Variants in SYNPO2 observed in about 807,000 individuals in gnomAD.
SYNPO2 encodes synaptopodin 2, also known as synaptopodin-2.
A neutral mutation model predicts 85.0 loss-of-function variants in SYNPO2; 56 were observed. The ratio of observed to expected loss-of-function variants is 0.66; its 90% CI spans 0.53 to 0.82. SYNPO2 has a LOEUF of 0.82. Ranked by LOEUF, SYNPO2 falls within the 40% of genes least tolerant of loss-of-function variation. The pLI, the probability that SYNPO2 is intolerant of heterozygous loss-of-function variation, is 0.00. For missense variants in SYNPO2, 1,575 were observed against 1,534.2 expected, an observed-to-expected ratio of 1.03 and a Z score of -0.44; for synonymous variants, 602 against 591.1, an observed-to-expected ratio of 1.02 and a Z score of -0.27.
intron 1 of SYNPO2, among the ~76,000 whole-genome samples, chr4:118,878,851 G>C (rs1287872523): frequency 6.6e-6 from 1 of 152,234 alleles, no homozygotes; most frequent in Non-Finnish European, 1.5e-5. Context: ...CCAGCCAGCA[G>C]AGGCACCCAC....
chr4:118,923,138 C>T (rs1231605356), intron 1 of SYNPO2, among the ~76,000 whole-genome samples: 1 of 152,008 alleles, frequency 6.6e-6, no homozygotes, highest in African/African-American at 2.4e-5. Context: ...GTCATGGAAT[C>T]AACCTAAATG....
chr4:118,957,044 CAAAAAAAAT>C lies in SYNPO2; in HGVS notation c.106-66359_106-66351del, dbSNP rs199706263. Among the ~76,000 whole-genome samples, 1,008 of 148,258 alleles carry C rather than the reference CAAAAAAAAT, an allele frequency of 6.8e-3. 7 individuals are homozygous for C. Among genetic ancestry groups the C allele is most frequent in the African/African-American group, 0.016 (632 of 40,076 alleles). On this transcript the variant is annotated intron_variant, in intron 1 of 4. Coordinates refer to ENST00000307142, the MANE Select transcript of SYNPO2 (RefSeq NM_133477.3). ...TGGGTGACACAGTGAGACTCCATCT[CAAAAAAAAT>C]AAAAAAAATAAAAAAAATAAAAAAA...
rs1732081984 is a variant in SYNPO2 at position 118,881,098 on chromosome 4, C to T, written c.12+30158C>T. Among the ~76,000 whole-genome samples, 3 of 151,914 alleles carry T rather than the reference C, an allele frequency of 2.0e-5. No individual in the cohort carries two copies. In the South Asian group the frequency reaches 6.2e-4, roughly 32 times the overall value. On this transcript the variant is annotated intron_variant, in intron 1 of 4. Transcript: ENST00000610556. ...TGGGCGGATCACAAGGTCAGGAGATCCAGACCATCCTGGCTAACACGGTGA... is the reference window on the plus strand; with the variant it reads ...TGGGCGGATCACAAGGTCAGGAGATTCAGACCATCCTGGCTAACACGGTGA...
intron 1 of SYNPO2, among the ~76,000 whole-genome samples, chr4:118,957,512 T>TA (rs1734921229): frequency 6.6e-6 from 1 of 152,160 alleles, no homozygotes; most frequent in African/African-American, 2.4e-5. Context: ...TTTTAATCTG[T>TA]AAAGGTGGAC....
At chr4:118,871,336 T>C (rs73842279) in intron 1 of SYNPO2, among the ~76,000 whole-genome samples, 2,199 of 151,732 alleles carry the variant, frequency 0.014, 50 homozygotes, top group African/African-American at 0.05. Flanking sequence ...CAGGAGTGAC[T>C]CCATAGTGCC....
intron 1 of SYNPO2, among the ~76,000 whole-genome samples, chr4:118,973,168 T>C (rs1372868324): frequency 6.6e-6 from 1 of 152,228 alleles, no homozygotes; most frequent in East Asian, 1.9e-4. Flanking sequence ...ATAGAATTAG[T>C]AATTCTATAT....
intron 1 of SYNPO2, among the ~76,000 whole-genome samples, chr4:118,966,166 CG>C: frequency 6.6e-6 from 1 of 152,206 alleles, no homozygotes; most frequent in East Asian, 1.9e-4. Flanking sequence ...GAGGGACTCA[CG>C]GGCAAAAGTT....
At chr4:118,994,457 C>T (rs1297876650) in intron 1 of SYNPO2, among the ~76,000 whole-genome samples, 2 of 152,162 alleles carry the variant, frequency 1.3e-5, no homozygotes, top group East Asian at 3.8e-4. Flanking sequence ...AAGAGGAGAC[C>T]TACCACCTAA....
At chr4:118,858,615 T>C (rs1731553127) in intron 1 of SYNPO2, among the ~76,000 whole-genome samples, 1 of 152,126 alleles carries the variant, frequency 6.6e-6, no homozygotes, top group South Asian at 2.1e-4. Flanking sequence ...CTTTCCATTC[T>C]TCCCTCCTTT....
chr4:118,891,451 A>G lies in SYNPO2; in HGVS notation c.105+2310A>G, dbSNP rs573966375. On this transcript the variant is annotated intron_variant, in intron 1 of 4. Transcript: ENST00000307142. ...GATGTAAGTTCTAAATTACTGTGGC[A>G]ATGCACAATTTTTGTTGGTCTTTTT... Among the ~76,000 whole-genome samples, 121 of 152,326 alleles carry G rather than the reference A, an allele frequency of 7.9e-4. 1 individual carries two copies. Among genetic ancestry groups the G allele is most frequent in the African/African-American group, 2.8e-3 (115 of 41,560 alleles).
intron 1 of SYNPO2, among the ~76,000 whole-genome samples, chr4:118,942,536 T>G (rs1318395617): frequency 6.6e-6 from 1 of 152,238 alleles, no homozygotes; most frequent in Non-Finnish European, 1.5e-5. Flanking sequence ...TCATTTACTT[T>G]AAATGTGAGG....
chr4:118,850,822 C>A (rs986260631), exon 1 of SYNPO2: 5 of 398,344 alleles, frequency 1.3e-5, no homozygotes, highest in Non-Finnish European at 2.2e-5. Flanking sequence ...GGGAGACTGT[C>A]ATATAGAGTG....
At chr4:118,912,312 C>T (rs1684237695) in intron 1 of SYNPO2, among the ~76,000 whole-genome samples, 1 of 152,108 alleles carries the variant, frequency 6.6e-6, no homozygotes, top group Non-Finnish European at 1.5e-5. Flanking sequence ...TCCCCAGTAG[C>T]TGGGACTACA....
chr4:118,872,819 C>T (rs1263012731), intron 1 of SYNPO2, among the ~76,000 whole-genome samples: 1 of 152,076 alleles, frequency 6.6e-6, no homozygotes, highest in African/African-American at 2.4e-5. Flanking sequence ...CATCCACACC[C>T]TCTCACCCCC....
intron 1 of SYNPO2, among the ~76,000 whole-genome samples, chr4:118,965,776 C>T (rs1735293496): frequency 1.3e-5 from 2 of 151,944 alleles, no homozygotes; most frequent in African/African-American, 2.4e-5. Flanking sequence ...GAAGTACGTA[C>T]AAGATGATAT....
In SYNPO2 at chr4:119,029,941, C is replaced by G; in HGVS notation, c.1166C>G (p.Pro389Arg). 1 of 1,613,946 alleles carries G rather than the reference C, an allele frequency of 6.2e-7. No homozygotes were observed. The highest frequency in any genetic ancestry group is 1.1e-5 in the South Asian group (1 of 91,060). The stretch of plus-strand genomic sequence containing the variant: ...CTTCTTCTAACGGATGCTCCCAACC[C>G]CAACTCCAAGGGGGTGTTGATGTTT... ...IALLLTDAPN[P>R]NSKGVLMFKK... The change falls in exon 4 of 5, where the codon CCC becomes CGC. Residue 389 changes from proline (P) to arginine (R), a missense_variant. Physicochemically the swap from Pro to Arg is moderately radical, Grantham distance 103. Around this residue, in one of 3 missense-constraint regions of SYNPO2, gnomAD observed 1,508 missense variants for 1,446.8 expected, o/e 1.04. Coordinates refer to ENST00000307142, the MANE Select transcript of SYNPO2 (RefSeq NM_133477.3).
At chr4:119,022,690 G>GTATTTTATTTTATTTTA (rs1737776228) in intron 1 of SYNPO2, among the ~76,000 whole-genome samples, 2 of 139,556 alleles carry the variant, frequency 1.4e-5, no homozygotes, top group Non-Finnish European at 3.1e-5. Context: ...TATTTTAATT[G>GTATTTTATTTTATTTTA]TATTTTATTT....
At chr4:118,874,642 A>G (rs1302238233) in intron 1 of SYNPO2, among the ~76,000 whole-genome samples, 1 of 152,124 alleles carries the variant, frequency 6.6e-6, no homozygotes, top group Admixed American at 6.6e-5. Context: ...GAAAGAGTAG[A>G]TAGAGGCTTT....
intron 1 of SYNPO2, among the ~76,000 whole-genome samples, chr4:118,898,380 G>T (rs1732615985): frequency 6.6e-6 from 1 of 151,964 alleles, no homozygotes; most frequent in Non-Finnish European, 1.5e-5. Flanking sequence ...CCTTGTTTCT[G>T]GTTTCACATT....
Sources: allele counts gnomAD v4.1 joint callset (sites outside exome capture counted in the v4.1 genomes callset), GRCh38; gene constraint gnomAD v4.1.1; regional missense constraint gnomAD v4.1.1; transcripts MANE v1.5; gene names NCBI Gene and HGNC (gene_info 2026-07-23, HGNC 2026-07-21).